Variants in MCUB observed in about 807,000 individuals in gnomAD.
The protein encoded by MCUB is mitochondrial calcium uniporter dominant negative subunit beta.
MCUB carries 46 observed loss-of-function variants against 41.4 expected under a neutral mutation model. The observed-to-expected ratio is 1.11, with a 90% CI of 0.88 to 1.42. MCUB has a LOEUF of 1.42. Ranked by LOEUF, MCUB falls within the 40% of genes most tolerant of loss-of-function variation. The pLI, the probability that MCUB is intolerant of heterozygous loss-of-function variation, is 0.00. For synonymous variants in MCUB, 148 were observed against 148.2 expected, an observed-to-expected ratio of 1.00 and a Z score of 0.01; for missense variants, 403 against 404.9, an observed-to-expected ratio of 1.00 and a Z score of 0.04.
At chr4:109,674,969 C>G (rs1310610754) in intron 4 of MCUB, among the ~76,000 whole-genome samples, 1 of 152,042 alleles carries the variant, frequency 6.6e-6, no homozygotes, top group Admixed American at 6.5e-5. Flanking sequence ...GACAGTATAC[C>G]CAAACTTTTA....
At chr4:109,674,185 T>C (rs1729522812) in intron 4 of MCUB, 1 of 840,150 alleles carries the variant, frequency 1.2e-6, no homozygotes. Context: ...TTATTGAAGT[T>C]ACCTATTATT....
At chr4:109,615,405 ATT>A (rs1352281924) in intron 1 of MCUB, among the ~76,000 whole-genome samples, 12 of 141,676 alleles carry the variant, frequency 8.5e-5, no homozygotes, top group Admixed American at 7.1e-5. Flanking sequence ...ATAGATGTGA[ATT>A]TTTTTTTTTT....
intron 1 of MCUB, among the ~76,000 whole-genome samples, chr4:109,651,896 T>C (rs368890416): frequency 5.0e-4 from 76 of 152,352 alleles, no homozygotes; most frequent in Middle Eastern, 6.8e-3. Context: ...CTATTTCCCA[T>C]GTGGAGGCCG....
At chr4:109,617,834 C>T (rs570754306) in intron 1 of MCUB, among the ~76,000 whole-genome samples, 3 of 152,214 alleles carry the variant, frequency 2.0e-5, no homozygotes, top group South Asian at 4.1e-4. Flanking sequence ...TTTATTTTCT[C>T]TTTTGATCTC....
chr4:109,584,798 T>G (rs928158368), intron 1 of MCUB, among the ~76,000 whole-genome samples: 7 of 152,226 alleles, frequency 4.6e-5, no homozygotes, highest in Non-Finnish European at 1.0e-4. Context: ...TCTAATTTGA[T>G]TGCACTGTGT....
intron 1 of MCUB, among the ~76,000 whole-genome samples, chr4:109,642,983 CG>C (rs1303838203): frequency 1.4e-5 from 2 of 144,614 alleles, no homozygotes; most frequent in African/African-American, 2.6e-5. Context: ...TTAATAGAGA[CG>C]GGGTTTCACT....
intron 4 of MCUB, among the ~76,000 whole-genome samples, chr4:109,670,235 C>G (rs889600212): frequency 3.3e-5 from 5 of 151,850 alleles, no homozygotes; most frequent in Non-Finnish European, 7.4e-5. Context: ...AGCCTGTACC[C>G]CTGGACTTAG....
In MCUB at chr4:109,628,701, G is replaced by A. The variant is rs1728412844; in HGVS notation, c.100-30310G>A. 2.0e-5 allele frequency among the ~76,000 whole-genome samples: 3 copies of A among 152,338 alleles called. No homozygotes were observed. The South Asian group carries it at 6.2e-4, about 32-fold the overall frequency. On this transcript the variant is annotated intron_variant, in intron 1 of 7. Coordinates refer to ENST00000394650, the MANE Select transcript of MCUB (RefSeq NM_017918.5). ...TGGCGGTACCACTTACTGAGCTAGG[G>A]AAAAGTAGGTGAAGGGCTGAGTATA... is the stretch of plus-strand genomic sequence containing the variant.
chr4:109,680,623 C>T (rs1016271248), intron 4 of MCUB, among the ~76,000 whole-genome samples: 6 of 152,172 alleles, frequency 3.9e-5, no homozygotes, highest in African/African-American at 1.4e-4. Context: ...AAGAGAACAC[C>T]TAGCTTTCAC....
At chr4:109,621,490 C>T (rs1327148401) in intron 1 of MCUB, among the ~76,000 whole-genome samples, 1 of 152,074 alleles carries the variant, frequency 6.6e-6, no homozygotes. Flanking sequence ...TCTAATATAT[C>T]ACACAGAAAT....
intron 1 of MCUB, among the ~76,000 whole-genome samples, chr4:109,588,637 A>T (rs939660566): frequency 5.9e-5 from 9 of 152,254 alleles, no homozygotes; most frequent in African/African-American, 2.2e-4. Flanking sequence ...ATCTCTTATG[A>T]AGGGTTACAT....
intron 1 of MCUB, among the ~76,000 whole-genome samples, chr4:109,590,092 TGTTA>T (rs1727397239): frequency 6.6e-6 from 1 of 152,234 alleles, no homozygotes; most frequent in Non-Finnish European, 1.5e-5. Context: ...GTTTCATTTT[TGTTA>T]TTTTGTGAGA....
At chr4:109,648,521 G>C (rs1192568610) in intron 1 of MCUB, 1 of 386,772 alleles carries the variant, frequency 2.6e-6, no homozygotes, top group African/African-American at 2.1e-5. Context: ...GGGCTGTCCA[G>C]ACCAGAAGAA....
intron 1 of MCUB, among the ~76,000 whole-genome samples, chr4:109,647,211 G>C (rs548698731): frequency 6.6e-6 from 1 of 152,232 alleles, no homozygotes; most frequent in South Asian, 2.1e-4. Flanking sequence ...AAAGTCCATA[G>C]TTTACATTAG....
intron 1 of MCUB, among the ~76,000 whole-genome samples, chr4:109,598,609 T>C (rs1256198529): frequency 6.6e-6 from 1 of 151,086 alleles, no homozygotes; most frequent in African/African-American, 2.4e-5. Context: ...AGGGAGACGG[T>C]GGGGAGACGG....
intron 1 of MCUB, among the ~76,000 whole-genome samples, chr4:109,574,405 TAACTC>T (rs1267789194): frequency 6.6e-6 from 1 of 152,102 alleles, no homozygotes; most frequent in African/African-American, 2.4e-5. Flanking sequence ...GTTTCTAAAA[TAACTC>T]AGGCAGAAGC....
Position 109,655,760 on chromosome 4 carries a change from G to T in MCUB, c.100-3251G>T, listed in dbSNP as rs79121048. On this transcript the variant is annotated intron_variant, in intron 1 of 7. Transcript: ENST00000394650. Reference sequence around the variant, plus strand: ...GCCTGGGGCAGCAGGGGGTGTGTGTGTGTGGTGGTGGGGGTTGTGGGGAGG... The same window carrying T: ...GCCTGGGGCAGCAGGGGGTGTGTGTTTGTGGTGGTGGGGGTTGTGGGGAGG... Among the ~76,000 whole-genome samples the T allele has an allele frequency of 2.4e-3, 368 of 152,220 alleles. 2 individuals carry two copies. The highest frequency in any genetic ancestry group is 8.6e-3 in the African/African-American group (356 of 41,532).
At chr4:109,645,812 G>C (rs1244739071) in intron 1 of MCUB, among the ~76,000 whole-genome samples, 1 of 152,024 alleles carries the variant, frequency 6.6e-6, no homozygotes, top group African/African-American at 2.4e-5. Context: ...GCAGTACAGC[G>C]GTCTTCCTCC....
At chr4:109,626,178 T>C (rs2126136678) in intron 1 of MCUB, among the ~76,000 whole-genome samples, 1 of 152,342 alleles carries the variant, frequency 6.6e-6, no homozygotes. Flanking sequence ...AATTTCCTTC[T>C]GGACTAATTT....
Sources: gnomAD v4.1 joint callset for allele counts (sites outside exome capture counted in the v4.1 genomes callset) on GRCh38, gnomAD v4.1.1 for gene constraint, MANE v1.5 for transcripts, NCBI Gene and HGNC (gene_info 2026-07-23, HGNC 2026-07-21) for gene names.